CNKSR3: variants seen among roughly 807,000 people sequenced by gnomAD.
CNKSR3 encodes the protein connector enhancer of kinase suppressor of ras 3.
CNKSR3 carries 36 observed loss-of-function variants against 67.7 expected under a neutral mutation model. That is an observed-to-expected ratio of 0.53 (90% CI 0.41 to 0.70). The LOEUF is 0.70. CNKSR3 is among the 30% of genes least tolerant of loss of function. The probability of loss-of-function intolerance (pLI) is 0.00; values close to 1 mark genes in which losing one functional copy is unlikely to be tolerated. For synonymous variants in CNKSR3, 281 were observed against 271.4 expected, an observed-to-expected ratio of 1.04 and a Z score of -0.35; for missense variants, 630 against 695.2, an observed-to-expected ratio of 0.91 and a Z score of 1.05.
chr6:154,493,283 T>C (rs1786817451), intron 1 of CNKSR3, among the ~76,000 whole-genome samples: 2 of 152,122 alleles, frequency 1.3e-5, no homozygotes. Context: ...GCATCCCCAC[T>C]CCTCCAAATC....
intron 1 of CNKSR3, among the ~76,000 whole-genome samples, chr6:154,475,196 T>C (rs1368351608): frequency 3.9e-5 from 6 of 152,114 alleles, no homozygotes; most frequent in Non-Finnish European, 7.4e-5. Context: ...CCAGAACCCA[T>C]TGTCTTCCCA....
intron 1 of CNKSR3, among the ~76,000 whole-genome samples, chr6:154,452,953 A>G (rs1056022087): frequency 3.3e-5 from 5 of 152,226 alleles, no homozygotes; most frequent in Admixed American, 2.6e-4. Flanking sequence ...CTCCCAGTCT[A>G]TGGAACTTTG....
At chr6:154,437,468 A>T (rs1291515403) in intron 4 of CNKSR3, among the ~76,000 whole-genome samples, 1 of 132,148 alleles carries the variant, frequency 7.6e-6, no homozygotes, top group African/African-American at 2.9e-5. Context: ...CGCTGGAGTG[A>T]AGTGGCGCGA....
At position 154,465,164 on chromosome 6, in the gene CNKSR3, A is replaced by G. The variant is rs796955233; in HGVS notation, c.53-14906T>C. ...TCAAAAAAAAAAAAAAAAAAAAAAA[A>G]GGGGGTCTGTGTTTGGTGAATGAAT... On this transcript the variant is annotated intron_variant, in intron 1 of 12. Coordinates refer to ENST00000607772, the MANE Select transcript of CNKSR3 (RefSeq NM_173515.4). Among the ~76,000 whole-genome samples the G allele has an allele frequency of 3.3e-3, 440 of 135,306 alleles. 1 individual carries two copies. The highest frequency in any genetic ancestry group is 4.7e-3 in the Non-Finnish European group (294 of 62,800). The allele number at this position is 135,306 out of a possible 152,430, so 88.8% of individuals were successfully genotyped here.
In CNKSR3 at chr6:154,402,233, A is replaced by G. The variant is rs965193310; in HGVS notation, c.*4121T>C. The G allele has an allele frequency of 1.3e-5, 2 of 152,200 alleles. No individual in the cohort carries two copies. The highest frequency in any genetic ancestry group is 2.9e-5 in the Non-Finnish European group (2 of 68,058). The allele number at this position is 152,200 out of a possible 1,614,324, so 9.4% of individuals were successfully genotyped here. On this transcript the variant is annotated 3_prime_UTR_variant, in exon 13 of 13. Coordinates refer to ENST00000607772, the MANE Select transcript of CNKSR3 (RefSeq NM_173515.4). ...CCACTACTGAGATTTAACCTGTTGG[A>G]GCATGCGTGATACACAAGCCCTGCA...
In CNKSR3 at chr6:154,450,111, T is replaced by A. The variant is rs947743870; in HGVS notation, c.200A>T (p.Asp67Val). The change falls in exon 2 of 13, where the codon GAC (aspartate) becomes GTC (valine). Residue 67 changes from aspartate (D) to valine (V), a missense_variant. Transcript: ENST00000607772. ...TGAACTAACCAGTGCACAGAGAAGG[T>A]CCACAGCCTCCAACACAAGCTCCTG... ...GHQELVLEAV[D>V]LLCALNYGLE... 6.2e-7 allele frequency: 1 copy of A among 1,613,944 alleles called. No homozygotes were observed. The highest frequency in any genetic ancestry group is 1.3e-5 in the African/African-American group (1 of 74,888).
At chr6:154,474,398 G>T (rs1202027077) in intron 1 of CNKSR3, among the ~76,000 whole-genome samples, 1 of 136,898 alleles carries the variant, frequency 7.3e-6, no homozygotes, top group Admixed American at 7.3e-5. Context: ...GGGTGACAAA[G>T]CAAGACTCCG....
chr6:154,468,115 C>T (rs1786246069), intron 1 of CNKSR3, among the ~76,000 whole-genome samples: 1 of 125,248 alleles, frequency 8.0e-6, no homozygotes, highest in African/African-American at 3.0e-5. Flanking sequence ...CTTACTCTGT[C>T]GCCCAGGCTG....
chr6:154,451,977 G>A (rs1294441126), intron 1 of CNKSR3, among the ~76,000 whole-genome samples: 6 of 152,144 alleles, frequency 3.9e-5, no homozygotes, highest in Admixed American at 3.9e-4. Context: ...GGCAGTGGAG[G>A]CCAGGCAAGT....
chr6:154,418,965 A>AC (rs1402832127), intron 9 of CNKSR3, among the ~76,000 whole-genome samples: 20 of 151,144 alleles, frequency 1.3e-4, no homozygotes, highest in South Asian at 2.1e-4. Context: ...CAAAAAAAAA[A>AC]AAAACAAAAC....
chr6:154,484,226 G>T (rs1401182929), intron 1 of CNKSR3, among the ~76,000 whole-genome samples: 1 of 152,100 alleles, frequency 6.6e-6, no homozygotes, highest in African/African-American at 2.4e-5. Context: ...CTTAACGATG[G>T]AAGAAAAAAC....
chr6:154,402,749 T>C lies in CNKSR3; in HGVS notation c.*3605A>G, dbSNP rs1784731647. On this transcript the variant is annotated 3_prime_UTR_variant, in exon 13 of 13. Transcript: ENST00000607772. ...GAATTGGCCACATTTTAGAAAATCA[T>C]ACTGCTGACATCGACCCCTTTCCTG... 6.6e-6 allele frequency: 1 copy of C among 152,220 alleles called. No individual in the cohort carries two copies. Among genetic ancestry groups the C allele is most frequent in the African/African-American group, 2.4e-5 (1 of 41,456 alleles). The allele number at this position is 152,220 out of a possible 1,614,324, so 9.4% of individuals were successfully genotyped here.
At chr6:154,462,302 C>A (rs911570104) in intron 1 of CNKSR3, among the ~76,000 whole-genome samples, 1 of 145,884 alleles carries the variant, frequency 6.9e-6, no homozygotes, top group Non-Finnish European at 1.5e-5. Flanking sequence ...TTCCGGTGAA[C>A]CTGTCTGACC....
rs1304696955 is a variant in CNKSR3 at position 154,405,492 on chromosome 6, T to C, written c.*862A>G. The C allele has an allele frequency of 1.3e-5, 2 of 152,362 alleles. No individual in the cohort carries two copies. The highest frequency in any genetic ancestry group is 6.5e-5 in the Admixed American group (1 of 15,282). The allele number at this position is 152,362 out of a possible 1,614,324, so 9.4% of individuals were successfully genotyped here. ...CAAGATATTTCTAATTAGCAAACTGTGTACAATTTTGAAGAAGTGTACACA... is the reference window on the plus strand; with the variant it reads ...CAAGATATTTCTAATTAGCAAACTGCGTACAATTTTGAAGAAGTGTACACA... On this transcript the variant is annotated 3_prime_UTR_variant, in exon 13 of 13. Transcript: ENST00000607772.
intron 1 of CNKSR3, among the ~76,000 whole-genome samples, chr6:154,470,428 A>G (rs1786301978): frequency 6.6e-6 from 1 of 151,986 alleles, no homozygotes; most frequent in Non-Finnish European, 1.5e-5. Flanking sequence ...CAAATTCCTA[A>G]GTTCAGGAAC....
intron 1 of CNKSR3, among the ~76,000 whole-genome samples, chr6:154,499,025 A>G (rs1786930509): frequency 6.6e-6 from 1 of 152,166 alleles, no homozygotes; most frequent in Admixed American, 6.5e-5. Context: ...CCCATGAAAC[A>G]TGCCCCTTCT....
At chr6:154,449,574 C>T (rs1785779854) in intron 2 of CNKSR3, among the ~76,000 whole-genome samples, 1 of 152,242 alleles carries the variant, frequency 6.6e-6, no homozygotes, top group Admixed American at 6.5e-5. Flanking sequence ...ATCCACCCGC[C>T]TCGGCCTCCC....
In CNKSR3 at chr6:154,393,086, GTAT is replaced by G. The variant is rs1784625207; in HGVS notation, c.*13265_*13267del. 1.3e-5 allele frequency: 2 copies of G among 152,190 alleles called. No homozygotes were observed. Among genetic ancestry groups the G allele is most frequent in the Admixed American group, 6.5e-5 (1 of 15,268 alleles). 9.4% of individuals were successfully genotyped at this position (152,190 alleles called of 1,614,324 possible). On this transcript the variant is annotated 3_prime_UTR_variant, in exon 13 of 13. Coordinates refer to ENST00000607772, the MANE Select transcript of CNKSR3 (RefSeq NM_173515.4). ...CCGCCACCACGCCTGGCTAATTTTTGTATTTTTAGTAGAGATGGGGTTTCACCA... is the reference window on the plus strand; with the variant it reads ...CCGCCACCACGCCTGGCTAATTTTTGTTTTAGTAGAGATGGGGTTTCACCA...
chr6:154,504,217 T>C (rs1265382733), intron 1 of CNKSR3, among the ~76,000 whole-genome samples: 1 of 152,220 alleles, frequency 6.6e-6, no homozygotes, highest in African/African-American at 2.4e-5. Context: ...TCACGAAATT[T>C]GCAAGAGGCA....
Sources: gnomAD v4.1 joint callset for allele counts (sites outside exome capture counted in the v4.1 genomes callset) on GRCh38, gnomAD v4.1.1 for gene constraint, MANE v1.5 for transcripts, NCBI Gene and HGNC (gene_info 2026-07-23, HGNC 2026-07-21) for gene names.